STXBP3: variants seen among roughly 807,000 people sequenced by gnomAD.
The protein encoded by STXBP3 is syntaxin binding protein 3, also known as syntaxin-binding protein 3.
A neutral mutation model predicts 85.7 loss-of-function variants in STXBP3; 41 were observed. The observed-to-expected ratio is 0.48, with a 90% CI of 0.37 to 0.62. STXBP3 has a LOEUF of 0.62. Ranked by LOEUF, STXBP3 falls within the 20% of genes least tolerant of loss-of-function variation. STXBP3 has a pLI of 0.00. For missense variants in STXBP3, 563 were observed against 703.1 expected (o/e 0.80, Z 2.25); for synonymous variants, 229 against 231.7 (o/e 0.99, Z 0.10).
At chr1:108,801,093 T>G (rs1254100098) in intron 17 of STXBP3, among the ~76,000 whole-genome samples, 1 of 152,224 alleles carries the variant, frequency 6.6e-6, no homozygotes, top group African/African-American at 2.4e-5. Context: ...CTTTTTAAAA[T>G]TTGTTATTGT....
intron 5 of STXBP3, among the ~76,000 whole-genome samples, chr1:108,759,614 C>T (rs958235679): frequency 6.6e-6 from 1 of 152,130 alleles, no homozygotes; most frequent in Non-Finnish European, 1.5e-5. Context: ...TAGTATGGAT[C>T]ACTTAGTGGC....
intron 18 of STXBP3, among the ~76,000 whole-genome samples, chr1:108,808,465 C>T (rs928252726): frequency 2.0e-5 from 3 of 152,222 alleles, no homozygotes; most frequent in African/African-American, 4.8e-5. Context: ...TAGTGGATCT[C>T]TATTATTGAA....
At chr1:108,762,699 C>T (rs565555465) in intron 6 of STXBP3, among the ~76,000 whole-genome samples, 5 of 152,216 alleles carry the variant, frequency 3.3e-5, no homozygotes, top group Non-Finnish European at 4.4e-5. Flanking sequence ...GAACTGCTCA[C>T]TTAATATCCT....
intron 18 of STXBP3, 27 bp downstream of exon 18, chr1:108,807,576 G>GTTT (rs375887364): frequency 1.6e-3 from 2,108 of 1,336,040 alleles, no homozygotes; most frequent in Admixed American, 3.1e-3. Context: ...CTTCTTTTCT[G>GTTT]TTTTTTTTTT....
chr1:108,794,505 A>G (rs1663048075), intron 12 of STXBP3, among the ~76,000 whole-genome samples: 1 of 152,170 alleles, frequency 6.6e-6, no homozygotes, highest in Admixed American at 6.5e-5. Flanking sequence ...TCTCATGAGA[A>G]CTCACTTACT....
intron 11 of STXBP3, among the ~76,000 whole-genome samples, chr1:108,791,982 C>G (rs530159204): frequency 6.6e-6 from 1 of 152,248 alleles, no homozygotes; most frequent in South Asian, 2.1e-4. Context: ...CTTTTTATTG[C>G]TGAGTAGTAT....
chr1:108,779,022 C>A (rs554560556), intron 8 of STXBP3, among the ~76,000 whole-genome samples: 7 of 152,240 alleles, frequency 4.6e-5, no homozygotes, highest in African/African-American at 1.7e-4. Flanking sequence ...ATTAAATATA[C>A]CCTCTTACTC....
At chr1:108,763,022 A>G (rs1235994421) in intron 6 of STXBP3, among the ~76,000 whole-genome samples, 2 of 152,244 alleles carry the variant, frequency 1.3e-5, no homozygotes, top group South Asian at 2.1e-4. Context: ...TTAGGACACA[A>G]TCACATTTTT....
intron 6 of STXBP3, among the ~76,000 whole-genome samples, chr1:108,769,436 T>C (rs1226023087): frequency 2.0e-5 from 3 of 152,252 alleles, no homozygotes; most frequent in East Asian, 1.9e-4. Context: ...TTCAAGAATA[T>C]GAGGGAGTTT....
In STXBP3 at chr1:108,775,850, T is replaced by C. The variant is rs1662577148; in HGVS notation, c.594-483T>C. ...TACATAGAATCCAATATAATCATGA[T>C]GGAATACTGTATAGGAGATAAAATG... On this transcript the variant is annotated intron_variant, in intron 7 of 18. Coordinates refer to ENST00000370008, the MANE Select transcript of STXBP3 (RefSeq NM_007269.4). 2.0e-5 allele frequency among the ~76,000 whole-genome samples: 3 copies of C among 151,992 alleles called. 1 individual carries two copies. The East Asian group carries it at 5.8e-4, about 29-fold the overall frequency.
intron 3 of STXBP3, 72 bp from the exon 4 acceptor site, chr1:108,756,618 G>C: frequency 4.8e-6 from 4 of 837,018 alleles, no homozygotes; most frequent in Non-Finnish European, 6.9e-6. Flanking sequence ...GGAAAGTACA[G>C]TAAAGTTTAT....
chr1:108,795,794 T>C (rs1663077586), intron 13 of STXBP3, among the ~76,000 whole-genome samples: 1 of 152,228 alleles, frequency 6.6e-6, no homozygotes, highest in Non-Finnish European at 1.5e-5. Flanking sequence ...CAAGTGATGT[T>C]CATATTTTCT....
At position 108,771,969 on chromosome 1, in the gene STXBP3, ATAAATACATATGATATCTG is replaced by A. The variant is rs1662452945; in HGVS notation, c.439-693_439-675del. Among the ~76,000 whole-genome samples the A allele has an allele frequency of 7.5e-5, 2 of 26,826 alleles. 1 individual carries two copies. The highest frequency in any genetic ancestry group is 1.2e-4 in the Non-Finnish European group (2 of 17,376). The allele number at this position is 26,826 out of a possible 152,430, so 17.6% of individuals were successfully genotyped here. On this transcript the variant is annotated intron_variant, in intron 6 of 18. Coordinates refer to ENST00000370008, the MANE Select transcript of STXBP3 (RefSeq NM_007269.4). ...AATACATATGATATCTGTATCATATATAAATACATATGATATCTGTATCATATATAAATACATATGATAT... is the reference window on the plus strand; with the variant it reads ...AATACATATGATATCTGTATCATATATATCATATATAAATACATATGATAT...
At chr1:108,750,969 T>C (rs1196823138) in intron 1 of STXBP3, among the ~76,000 whole-genome samples, 1 of 152,232 alleles carries the variant, frequency 6.6e-6, no homozygotes, top group Middle Eastern at 3.2e-3. Context: ...GCATAGGTGC[T>C]TCTATCCACA....
chr1:108,808,461 A>T (rs1045460373), intron 18 of STXBP3, among the ~76,000 whole-genome samples: 4 of 152,234 alleles, frequency 2.6e-5, no homozygotes, highest in Non-Finnish European at 5.9e-5. Context: ...TGCTTAGTGG[A>T]TCTCTATTAT....
chr1:108,772,490 A>C (rs965835679), intron 6 of STXBP3, among the ~76,000 whole-genome samples, 175 bp from the exon 7 acceptor site: 1 of 144,954 alleles, frequency 6.9e-6, no homozygotes, highest in East Asian at 2.0e-4. Flanking sequence ...ATATAAATAC[A>C]TGATATCTAT....
intron 9 of STXBP3, 182 bp from the exon 10 acceptor site, chr1:108,782,240 T>C (rs534776683): frequency 7.6e-6 from 4 of 527,876 alleles, no homozygotes; most frequent in Non-Finnish European, 1.3e-5. Flanking sequence ...TTAGGACTTA[T>C]TTTTAATGTA....
At chr1:108,770,342 G>C (rs569294960) in intron 6 of STXBP3, among the ~76,000 whole-genome samples, 1 of 152,044 alleles carries the variant, frequency 6.6e-6, no homozygotes, top group Non-Finnish European at 1.5e-5. Context: ...GGCTAAACCT[G>C]GTATCAGTGA....
intron 1 of STXBP3, among the ~76,000 whole-genome samples, chr1:108,748,527 A>G (rs1398989331): frequency 1.3e-5 from 2 of 151,782 alleles, no homozygotes; most frequent in African/African-American, 2.4e-5. Flanking sequence ...GAGTCTAAAT[A>G]AATAAATAAA....
Sources: gnomAD v4.1 joint callset for allele counts (sites outside exome capture counted in the v4.1 genomes callset) on GRCh38, gnomAD v4.1.1 for gene constraint, MANE v1.5 for transcripts, NCBI Gene and HGNC (gene_info 2026-07-23, HGNC 2026-07-21) for gene names.